The following PRICKLE1 variants were observed in gnomAD, a reference collection of about 807,000 sequenced individuals.
The protein encoded by PRICKLE1 is prickle planar cell polarity protein 1.
A neutral mutation model predicts 70.2 loss-of-function variants in PRICKLE1; 14 were observed. That is an observed-to-expected ratio of 0.20 (90% confidence interval 0.13 to 0.31). The LOEUF is 0.31. Ranked by LOEUF, PRICKLE1 falls within the 10% of genes least tolerant of loss-of-function variation. The pLI is 1.00. For synonymous variants in PRICKLE1, 357 were observed against 379.9 expected, an observed-to-expected ratio of 0.94 and a Z score of 0.70; for missense variants, 821 against 1,026.2, an observed-to-expected ratio of 0.80 and a Z score of 2.73.
chr12:42,506,661 T>C (rs1179855415), intron 1 of PRICKLE1, among the ~76,000 whole-genome samples: 2 of 142,936 alleles, frequency 1.4e-5, no homozygotes, highest in Non-Finnish European at 3.0e-5. Context: ...CTGCAATCTC[T>C]GCCTCCCGGG....
chr12:42,473,001 C>A (rs542199892), intron 1 of PRICKLE1, among the ~76,000 whole-genome samples: 1 of 152,200 alleles, frequency 6.6e-6, no homozygotes, highest in African/African-American at 2.4e-5. Flanking sequence ...AGACCCCACT[C>A]GGCACCCCTG....
rs188642062 is a variant in PRICKLE1 at position 42,563,537 on chromosome 12, A to G, written c.-49+25928T>C. ...ACACAGTGAAACCCCGTCTCTACTAAAAAAAAATACAAAAAATTAGCCAGG... is the reference window on the plus strand; with the variant it reads ...ACACAGTGAAACCCCGTCTCTACTAGAAAAAAATACAAAAAATTAGCCAGG... On this transcript the variant is annotated intron_variant, in intron 1 of 7. Transcript: ENST00000345127. Among the ~76,000 whole-genome samples, 298 of 150,210 alleles carry G rather than the reference A, an allele frequency of 2.0e-3. 1 individual carries two copies. The highest frequency in any genetic ancestry group is 1.5e-3 in the Non-Finnish European group (99 of 67,498).
intron 1 of PRICKLE1, among the ~76,000 whole-genome samples, chr12:42,519,885 ACAGCCCTGAACTCCTAGCCTCAAGC>A (rs1024357424): frequency 6.6e-6 from 1 of 152,140 alleles, no homozygotes; most frequent in Non-Finnish European, 1.5e-5. Context: ...ATGGCTCAGC[ACAGCCCTGAACTCCTAGCCTCAAGC>A]CATCCTCCCA....
intron 1 of PRICKLE1, among the ~76,000 whole-genome samples, chr12:42,553,197 C>T (rs912719921): frequency 2.0e-5 from 3 of 152,002 alleles, no homozygotes; most frequent in Admixed American, 6.6e-5. Context: ...AATCCCAGCA[C>T]TCTGGGAGAC....
At chr12:42,465,601 C>T (rs1033372727) in intron 6 of PRICKLE1, 2 of 311,708 alleles carry the variant, frequency 6.4e-6, no homozygotes, top group African/African-American at 4.3e-5. Flanking sequence ...TATTTCTGGT[C>T]TATCTACTGC....
chr12:42,489,807 C>T (rs1266460361), intron 1 of PRICKLE1: 1 of 151,878 alleles, frequency 6.6e-6, no homozygotes, highest in African/African-American at 2.4e-5. Context: ...ACTTATAATA[C>T]TGTGAGAAGG....
At chr12:42,495,107 G>T (rs1009668731) in intron 1 of PRICKLE1, among the ~76,000 whole-genome samples, 2 of 151,740 alleles carry the variant, frequency 1.3e-5, no homozygotes, top group African/African-American at 4.8e-5. Flanking sequence ...GGTTGCTCAT[G>T]CCTGTAATCC....
chr12:42,464,353 A>AG lies in PRICKLE1; in HGVS notation c.1639+41dup. On this transcript the variant is annotated intron_variant, in intron 7 of 7. Coordinates refer to ENST00000345127, the MANE Select transcript of PRICKLE1 (RefSeq NM_153026.3). The surrounding 1 kb of genome is among the most constrained non-coding windows in gnomAD (Gnocchi z 4.2). ...CAATTTTTTGAATACACTTTTTAGT[A>AG]GCTCCTTTTTTCAAATACCCCATAA... The AG allele has an allele frequency of 6.2e-7, 1 of 1,613,342 alleles. No homozygotes were observed. Among genetic ancestry groups the AG allele is most frequent in the Non-Finnish European group, 8.5e-7 (1 of 1,179,450 alleles).
intron 1 of PRICKLE1, chr12:42,584,230 CA>C (rs1391512653): frequency 6.6e-6 from 1 of 151,346 alleles, no homozygotes; most frequent in Non-Finnish European, 1.5e-5. Context: ...CATAGAGCCA[CA>C]AAAAGAAAAA....
At chr12:42,559,624 A>ATATT (rs370313890) in intron 1 of PRICKLE1, among the ~76,000 whole-genome samples, 39 of 81,578 alleles carry the variant, frequency 4.8e-4, no homozygotes, top group Admixed American at 2.3e-3. Context: ...ATATATATAT[A>ATATT]TTTTTTTTTT....
At chr12:42,576,134 A>G (rs1940802723) in intron 1 of PRICKLE1, among the ~76,000 whole-genome samples, 1 of 152,232 alleles carries the variant, frequency 6.6e-6, no homozygotes. Context: ...AAGGAAAACC[A>G]TGCCACCAAA....
At chr12:42,578,222 A>G (rs548286489) in intron 1 of PRICKLE1, among the ~76,000 whole-genome samples, 41 of 152,284 alleles carry the variant, frequency 2.7e-4, no homozygotes, top group African/African-American at 7.2e-4. Context: ...TAATAATTTC[A>G]AGCAACTAGG....
chr12:42,487,503 C>T (rs1431418183), intron 1 of PRICKLE1, among the ~76,000 whole-genome samples: 1 of 152,118 alleles, frequency 6.6e-6, no homozygotes, highest in Non-Finnish European at 1.5e-5. Context: ...TCCAATAATC[C>T]TAGGCACCCA....
intron 1 of PRICKLE1, among the ~76,000 whole-genome samples, chr12:42,479,046 T>C (rs1269826037): frequency 6.6e-6 from 1 of 152,178 alleles, no homozygotes; most frequent in Non-Finnish European, 1.5e-5. Context: ...GAGACCTGAT[T>C]TTAAAAAATA....
intron 1 of PRICKLE1, among the ~76,000 whole-genome samples, chr12:42,560,633 C>T (rs1191232626): frequency 6.6e-6 from 1 of 152,048 alleles, no homozygotes; most frequent in Non-Finnish European, 1.5e-5. Context: ...TTTGCCATGG[C>T]TGAAACCAGT....
At position 42,469,476 on chromosome 12, in the gene PRICKLE1, C is replaced by A; in HGVS notation, c.358G>T (p.Ala120Ser). 6.2e-7 allele frequency: 1 copy of A among 1,614,194 alleles called. No individual in the cohort carries two copies. The highest frequency in any genetic ancestry group is 1.6e-4 in the Middle Eastern group (1 of 6,062). The stretch of plus-strand genomic sequence containing the variant: ...TGCTCACACACAGCATGCATGACTG[C>A]TCTGGACAGAAGCTTAATTGTTCCT... ...GRGTIKLLSRAVMHAVCEQCG... is the reference protein window; with the variant it reads ...GRGTIKLLSRSVMHAVCEQCG... The change falls in exon 4 of 8, where the codon GCA becomes TCA. Residue 120 changes from alanine to serine, a missense_variant. Transcript: ENST00000345127.
At chr12:42,581,113 A>C (rs1452852522) in intron 1 of PRICKLE1, among the ~76,000 whole-genome samples, 1 of 152,220 alleles carries the variant, frequency 6.6e-6, no homozygotes, top group African/African-American at 2.4e-5. Context: ...GAGCTTGTTC[A>C]AGCTAAAAGT....
chr12:42,561,828 C>G (rs1940517922), intron 1 of PRICKLE1, among the ~76,000 whole-genome samples: 1 of 151,524 alleles, frequency 6.6e-6, no homozygotes, highest in Non-Finnish European at 1.5e-5. Flanking sequence ...ATTTGCCAGT[C>G]ATTGAGCTCC....
At chr12:42,515,401 G>A (rs567785481) in intron 1 of PRICKLE1, among the ~76,000 whole-genome samples, 15 of 152,120 alleles carry the variant, frequency 9.9e-5, no homozygotes, top group African/African-American at 3.6e-4. Context: ...CACCACGCCC[G>A]ACTAATTTTT....
Sources: allele counts gnomAD v4.1 joint callset (sites outside exome capture counted in the v4.1 genomes callset), GRCh38; gene constraint gnomAD v4.1.1; non-coding constraint Gnocchi (gnomAD v3.1); transcripts MANE v1.5; gene names NCBI Gene and HGNC (gene_info 2026-07-23, HGNC 2026-07-21).